Variants in ZIM3 observed in about 807,000 individuals in gnomAD.
ZIM3 encodes zinc finger protein 657.
In ZIM3, 11 loss-of-function variants were observed where a neutral mutation model predicts 12.9. The observed-to-expected ratio is 0.85, with a 90% CI of 0.54 to 1.41. ZIM3 has a LOEUF of 1.41. Ranked by LOEUF, ZIM3 falls within the 40% of genes most tolerant of loss-of-function variation. The pLI is 0.00. For missense variants in ZIM3, 604 were observed against 557.2 expected (o/e 1.08, Z -0.85); for synonymous variants, 205 against 198.5 (o/e 1.03, Z -0.28).
In ZIM3 at chr19:57,138,353, A is replaced by G; in HGVS notation, c.142+119T>C. On this transcript the variant is annotated intron_variant, in intron 3 of 4. Transcript: ENST00000269834. ...CTTGCCTCACCCTAGTCCCGGCTCT[A>G]CAAAAACATATGCGAAGTGAGGAGC... 4.8e-6 allele frequency: 7 copies of G among 1,456,788 alleles called. No individual in the cohort carries two copies. The South Asian group carries it at 8.1e-5, about 17-fold the overall frequency. 90.2% of individuals were successfully genotyped at this position (1,456,788 alleles called of 1,614,324 possible).
intron 2 of ZIM3, among the ~76,000 whole-genome samples, chr19:57,142,132 C>T (rs1039849482): frequency 4.9e-5 from 7 of 142,562 alleles, no homozygotes; most frequent in African/African-American, 1.3e-4. Context: ...CTGGTGTTTC[C>T]GTAACCAAGC....
intron 2 of ZIM3, among the ~76,000 whole-genome samples, chr19:57,138,961 C>A (rs2086901890): frequency 6.6e-6 from 1 of 152,120 alleles, no homozygotes; most frequent in African/African-American, 2.4e-5. Context: ...GAGGCCGAGG[C>A]AGGAGGATTG....
At chr19:57,137,266 C>A (rs1285604936) in intron 3 of ZIM3, among the ~76,000 whole-genome samples, 1 of 152,034 alleles carries the variant, frequency 6.6e-6, no homozygotes, top group Non-Finnish European at 1.5e-5. Context: ...AGGAGAATTG[C>A]TAGAGCACAG....
rs756310807 is a variant in ZIM3 at position 57,134,909 on chromosome 19, A to C, written c.*9T>G. Reference sequence around the variant, plus strand: ...TATCTTCCCATGTTTTTTTAAGTGCATGGGGCTCCTATCTGGAGTGAATTC... The same window carrying C: ...TATCTTCCCATGTTTTTTTAAGTGCCTGGGGCTCCTATCTGGAGTGAATTC... On this transcript the variant is annotated 3_prime_UTR_variant, in exon 5 of 5. Coordinates refer to ENST00000269834, the MANE Select transcript of ZIM3 (RefSeq NM_052882.1). 8.1e-6 allele frequency: 13 copies of C among 1,596,760 alleles called. No homozygotes were observed. Among genetic ancestry groups the C allele is most frequent in the Non-Finnish European group, 1.1e-5 (13 of 1,171,400 alleles).
chr19:57,140,476 T>A (rs534317783), intron 2 of ZIM3, among the ~76,000 whole-genome samples: 20 of 149,026 alleles, frequency 1.3e-4, no homozygotes, highest in Middle Eastern at 3.4e-3. Flanking sequence ...GCACCCGGCC[T>A]TTTTTTTTAA....
rs766028242 is a variant in ZIM3 at position 57,137,011 on chromosome 19, G to A, written c.143-40C>T. The A allele has an allele frequency of 5.0e-6, 8 of 1,600,074 alleles. No homozygotes were observed. In the South Asian group the frequency reaches 6.6e-5, roughly 13 times the overall value. The stretch of plus-strand genomic sequence containing the variant: ...ACCGCAAGGCTTGGTGTTTGTGGAT[G>A]TGTGAGTTGTTTGTGCAAGTGTATG... On this transcript the variant is annotated intron_variant, in intron 3 of 4. Transcript: ENST00000269834.
chr19:57,135,087 C>T lies in ZIM3; in HGVS notation c.1250G>A (p.Arg417Lys), dbSNP rs1284791466. ...HSHQKTHSGE[R>K]TYRCSECGKT... ...TCCACATTCACTACATCTATAGGTC[C>T]TCTCTCCGCTATGAGTTTTCTGATG... Residue 417 changes from arginine (R) to lysine (K), a missense_variant, in exon 5 of 5, where the codon AGG becomes AAG. Coordinates refer to ENST00000269834, the MANE Select transcript of ZIM3 (RefSeq NM_052882.1). 6.2e-7 allele frequency: 1 copy of T among 1,614,130 alleles called. No individual in the cohort carries two copies. Among genetic ancestry groups the T allele is most frequent in the Non-Finnish European group, 8.5e-7 (1 of 1,180,022 alleles).
chr19:57,134,866 G>A lies in ZIM3; in HGVS notation c.*52C>T. 6.6e-7 allele frequency: 1 copy of A among 1,526,490 alleles called. No individual in the cohort carries two copies. The highest frequency in any genetic ancestry group is 8.8e-7 in the Non-Finnish European group (1 of 1,134,556). The allele number at this position is 1,526,490 out of a possible 1,614,324, so 94.6% of individuals were successfully genotyped here. A position where few individuals can be genotyped will look rare whatever the true frequency, so the allele number is the denominator to read the frequency against. ...CCATTTCAACATGGAATTCTGGGGT[G>A]ACAATTCCAGGCAACCATATCTTCC... On this transcript the variant is annotated 3_prime_UTR_variant, in exon 5 of 5. Coordinates refer to ENST00000269834, the MANE Select transcript of ZIM3 (RefSeq NM_052882.1).
At chr19:57,136,310 C>CTGCA (rs965274091) in intron 4 of ZIM3, among the ~76,000 whole-genome samples, 5 of 152,030 alleles carry the variant, frequency 3.3e-5, no homozygotes, top group Non-Finnish European at 7.3e-5. Context: ...GCAACGTAGA[C>CTGCA]CTAGTGCACA....
In ZIM3 at chr19:57,135,366, T is replaced by G. The variant is rs746373984; in HGVS notation, c.971A>C (p.Lys324Thr). 5.6e-6 allele frequency: 9 copies of G among 1,613,980 alleles called. No individual in the cohort carries two copies. In the East Asian group the frequency reaches 1.8e-4, roughly 32 times the overall value. Residue 324 changes from lysine to threonine, a missense_variant, in exon 5 of 5, where the codon AAA (lysine) becomes ACA (threonine). Coordinates refer to ENST00000269834, the MANE Select transcript of ZIM3 (RefSeq NM_052882.1). ...CTCTCCCGTGTGTATTCTCTGGTGT[T>G]TCACAAGATCTGACTTGTAAATGAA... ...KAFIYKSDLV[K>T]HQRIHTGEKP...
chr19:57,143,269 T>C (rs1405488341), intron 1 of ZIM3, among the ~76,000 whole-genome samples: 1 of 150,510 alleles, frequency 6.6e-6, no homozygotes, highest in Non-Finnish European at 1.5e-5. Context: ...AGGCGGAGCT[T>C]GCAGTGAGCC....
intron 3 of ZIM3, among the ~76,000 whole-genome samples, chr19:57,137,711 CA>C (rs544060917): frequency 0.022 from 2,861 of 130,966 alleles, 39 homozygotes; most frequent in African/African-American, 0.047. Context: ...AGACTGTCTC[CA>C]AAAAAAAAAA....
In ZIM3 at chr19:57,134,839, G is replaced by A. The variant is rs79235131; in HGVS notation, c.*79C>T. 9.8e-6 allele frequency: 14 copies of A among 1,433,022 alleles called. No homozygotes were observed. In the African/African-American group the frequency reaches 1.9e-4, roughly 19 times the overall value. The allele number at this position is 1,433,022 out of a possible 1,614,324, so 88.8% of individuals were successfully genotyped here. On this transcript the variant is annotated 3_prime_UTR_variant, in exon 5 of 5. Transcript: ENST00000269834. ...CTTCAAAAATAGCCTCCAAATTAGA[G>A]GCCATTTCAACATGGAATTCTGGGG...
chr19:57,135,343 C>G lies in ZIM3; in HGVS notation c.994G>C (p.Glu332Gln). 1 of 1,614,096 alleles carries G rather than the reference C, an allele frequency of 6.2e-7. No homozygotes were observed. ...CATATGCTACATTTATAGGGTTTCT[C>G]TCCCGTGTGTATTCTCTGGTGTTTC... is the stretch of plus-strand genomic sequence containing the variant. ...LVKHQRIHTG[E>Q]KPYKCSICEK... The change falls in exon 5 of 5, where the codon GAG (glutamate) becomes CAG (glutamine). Residue 332 changes from glutamate to glutamine, a missense_variant. Transcript: ENST00000269834.
chr19:57,136,140 C>T (rs1167737459), intron 4 of ZIM3, 45 bp from the exon 5 acceptor site: 1 of 1,507,274 alleles, frequency 6.6e-7, no homozygotes. Flanking sequence ...ACGTTCCACT[C>T]ACATGCTTGA....
Position 57,134,987 on chromosome 19 carries a change from A to AG in ZIM3, c.1349dup (p.Glu451Ter). 6.2e-7 allele frequency: 1 copy of AG among 1,614,182 alleles called. No homozygotes were observed. Among genetic ancestry groups the AG allele is most frequent in the Non-Finnish European group, 8.5e-7 (1 of 1,180,030 alleles). On this transcript the variant is annotated frameshift_variant, in exon 5 of 5. Coordinates refer to ENST00000269834, the MANE Select transcript of ZIM3 (RefSeq NM_052882.1). LOFTEE classifies it low-confidence loss of function (END_TRUNC). ...TGTCAGCGAAGGCTTTACCGCATTC[A>AG]GAACATCCATAAGGTTTTTGTCCAG...
chr19:57,137,928 A>G (rs1226968529), intron 3 of ZIM3, among the ~76,000 whole-genome samples: 12 of 34,658 alleles, frequency 3.5e-4, no homozygotes, highest in African/African-American at 1.4e-3. Context: ...GGAAAGAAGG[A>G]AGGAAGGAAG....
chr19:57,142,573 G>C (rs553238426), intron 2 of ZIM3, 56 bp downstream of exon 2: 2 of 1,585,692 alleles, frequency 1.3e-6, no homozygotes, highest in East Asian at 2.2e-5. Context: ...TGAGCAAGAG[G>C]AACGTGGGTC....
chr19:57,137,026 G>C (rs1320578981), intron 3 of ZIM3, 55 bp from the exon 4 acceptor site: 1 of 1,553,758 alleles, frequency 6.4e-7, no homozygotes, highest in East Asian at 2.2e-5. Context: ...AGTTGTTTGT[G>C]CAAGTGTATG....
Sources: gnomAD v4.1 joint callset for allele counts (sites outside exome capture counted in the v4.1 genomes callset) on GRCh38, gnomAD v4.1.1 for gene constraint, MANE v1.5 for transcripts, NCBI Gene and HGNC (gene_info 2026-07-23, HGNC 2026-07-21) for gene names.